The following MICU2 variants were observed in gnomAD, a reference collection of about 807,000 sequenced individuals.
MICU2 encodes calcium uptake protein 2, mitochondrial.
In MICU2, 64 loss-of-function variants were observed where a neutral mutation model predicts 60.4. The ratio of observed to expected loss-of-function variants is 1.06; its 90% confidence interval spans 0.87 to 1.31. The LOEUF (loss-of-function observed/expected upper bound fraction) is 1.31, where lower values mean the gene tolerates loss of function less well. Among genes scored for constraint, MICU2 ranks in the 50% most tolerant of loss-of-function variants. The probability of loss-of-function intolerance (pLI) is 0.00; values close to 1 mark genes in which losing one functional copy is unlikely to be tolerated. For synonymous variants in MICU2, 201 were observed against 175.0 expected, an observed-to-expected ratio of 1.15 and a Z score of -1.17; for missense variants, 569 against 531.0, an observed-to-expected ratio of 1.07 and a Z score of -0.70.
At chr13:21,572,508 C>A (rs147651248) in intron 1 of MICU2, among the ~76,000 whole-genome samples, 7 of 152,240 alleles carry the variant, frequency 4.6e-5, no homozygotes, top group Admixed American at 3.9e-4. Context: ...CTGGGAGATA[C>A]ATTTGTAATT....
At chr13:21,584,163 G>A (rs139925525) in intron 1 of MICU2, among the ~76,000 whole-genome samples, 2,910 of 152,258 alleles carry the variant, frequency 0.019, 57 homozygotes, top group Non-Finnish European at 0.025. Context: ...GCTGGGGCGG[G>A]TGGATCATGA....
At chr13:21,571,745 C>T (rs1054963686) in intron 1 of MICU2, among the ~76,000 whole-genome samples, 8 of 152,126 alleles carry the variant, frequency 5.3e-5, no homozygotes, top group Non-Finnish European at 1.0e-4. Flanking sequence ...GATATTTAAA[C>T]TGGATCTTAA....
chr13:21,527,654 T>G (rs1400046107), intron 4 of MICU2, among the ~76,000 whole-genome samples: 2 of 152,234 alleles, frequency 1.3e-5, no homozygotes, highest in East Asian at 3.8e-4. Flanking sequence ...TTATATCTAA[T>G]TGTAAAGTAA....
At chr13:21,583,994 G>C (rs924121468) in intron 1 of MICU2, among the ~76,000 whole-genome samples, 1 of 152,170 alleles carries the variant, frequency 6.6e-6, no homozygotes, top group Non-Finnish European at 1.5e-5. Flanking sequence ...TCAAACAGTA[G>C]ATGTGCTGCA....
chr13:21,598,057 A>C (rs1024474595), intron 1 of MICU2, among the ~76,000 whole-genome samples: 3 of 152,116 alleles, frequency 2.0e-5, no homozygotes, highest in African/African-American at 7.2e-5. Flanking sequence ...ATCAAAGAAA[A>C]TATCAATGAA....
intron 1 of MICU2, among the ~76,000 whole-genome samples, chr13:21,571,168 A>G (rs1888098564): frequency 6.6e-6 from 1 of 151,656 alleles, no homozygotes; most frequent in Admixed American, 6.6e-5. Context: ...ATTTACTTTA[A>G]TCTCTGTTAT....
At chr13:21,508,644 T>G (rs1386809217) in intron 8 of MICU2, among the ~76,000 whole-genome samples, 1 of 152,186 alleles carries the variant, frequency 6.6e-6, no homozygotes, top group South Asian at 2.1e-4. Flanking sequence ...TCCATTCTCC[T>G]CACCTTATGC....
In MICU2 at chr13:21,539,439, C is replaced by CATGT. The variant is rs1379068074; in HGVS notation, c.391-63_391-62insACAT. ...TTCATTTTCTTTGTAGCTGGGACTA[C>CATGT]AGACGCCCACCTCCATAGCCGGCTA... On this transcript the variant is annotated intron_variant, in intron 3 of 11. Coordinates refer to ENST00000382374, the MANE Select transcript of MICU2 (RefSeq NM_152726.3). 5.3e-5 allele frequency: 79 copies of CATGT among 1,480,328 alleles called. 1 individual carries two copies. In the Admixed American group the frequency reaches 1.4e-3, roughly 27 times the overall value. 91.7% of individuals were successfully genotyped at this position (1,480,328 alleles called of 1,614,324 possible).
intron 2 of MICU2, among the ~76,000 whole-genome samples, chr13:21,544,631 T>C (rs1041747748): frequency 6.8e-6 from 1 of 148,126 alleles, no homozygotes; most frequent in African/African-American, 2.5e-5. Flanking sequence ...AGACAAAAAA[T>C]AAACTCTTGC....
At chr13:21,510,672 T>C (rs187987395) in intron 7 of MICU2, among the ~76,000 whole-genome samples, 2 of 152,054 alleles carry the variant, frequency 1.3e-5, no homozygotes, top group East Asian at 3.9e-4. Context: ...GGGGTATAAG[T>C]TTAAGCCACA....
intron 8 of MICU2, among the ~76,000 whole-genome samples, chr13:21,507,363 G>A (rs1329263835): frequency 6.6e-6 from 1 of 152,070 alleles, no homozygotes; most frequent in African/African-American, 2.4e-5. Context: ...TGTGAATACA[G>A]TTTGAAAAAT....
intron 1 of MICU2, among the ~76,000 whole-genome samples, chr13:21,583,292 A>T (rs1488448459): frequency 6.6e-6 from 1 of 152,232 alleles, no homozygotes; most frequent in African/African-American, 2.4e-5. Flanking sequence ...AGTATTAAAT[A>T]AATAAACATG....
intron 2 of MICU2, among the ~76,000 whole-genome samples, chr13:21,547,421 A>T (rs146691276): frequency 6.6e-6 from 1 of 152,310 alleles, no homozygotes; most frequent in East Asian, 1.9e-4. Flanking sequence ...TGATTATTCC[A>T]GCCCTCATAG....
chr13:21,555,699 C>G (rs1439272568), intron 2 of MICU2, among the ~76,000 whole-genome samples: 1 of 152,122 alleles, frequency 6.6e-6, no homozygotes, highest in African/African-American at 2.4e-5. Context: ...TCCATCAACT[C>G]TCTCACTGTT....
chr13:21,493,944 AG>A (rs1885925983), intron 11 of MICU2, among the ~76,000 whole-genome samples: 1 of 152,196 alleles, frequency 6.6e-6, no homozygotes, highest in Non-Finnish European at 1.5e-5. Flanking sequence ...GGACCACAGG[AG>A]CATAGCACTG....
intron 9 of MICU2, among the ~76,000 whole-genome samples, chr13:21,501,443 T>C (rs1886155101): frequency 1.3e-5 from 2 of 152,102 alleles, no homozygotes; most frequent in South Asian, 4.1e-4. Context: ...TTTGTATTTT[T>C]AGTAGAGACG....
chr13:21,582,929 A>T (rs1888378809), intron 1 of MICU2: 1 of 171,776 alleles, frequency 5.8e-6, no homozygotes, highest in Non-Finnish European at 1.2e-5. Context: ...CCTTGCTGAG[A>T]ATTAAAAAGA....
At chr13:21,551,885 A>G (rs1328069094) in intron 2 of MICU2, among the ~76,000 whole-genome samples, 1 of 152,126 alleles carries the variant, frequency 6.6e-6, no homozygotes, top group Non-Finnish European at 1.5e-5. Context: ...ATAGTGCCGC[A>G]GTAAACATAC....
At chr13:21,564,245 T>G (rs2093804) in intron 2 of MICU2, among the ~76,000 whole-genome samples, 52,686 of 152,014 alleles carry the variant, frequency 0.35, 9,492 homozygotes, top group South Asian at 0.4. Flanking sequence ...TCTAAGTTAG[T>G]CATGATGTAT....
Sources: allele counts gnomAD v4.1 joint callset (sites outside exome capture counted in the v4.1 genomes callset), GRCh38; gene constraint gnomAD v4.1.1; transcripts MANE v1.5; gene names NCBI Gene and HGNC (gene_info 2026-07-23, HGNC 2026-07-21).